KLRD1: variants seen among roughly 807,000 people sequenced by gnomAD.
KLRD1 encodes natural killer cells antigen CD94.
In KLRD1, 21 loss-of-function variants were observed where a neutral mutation model predicts 22.6. The ratio of observed to expected loss-of-function variants is 0.93; its 90% CI spans 0.66 to 1.34. KLRD1 has a LOEUF of 1.34. KLRD1 is among the 40% of genes most tolerant of loss of function. The pLI, the probability that KLRD1 is intolerant of heterozygous loss-of-function variation, is 0.00. For missense variants in KLRD1, 183 were observed against 208.6 expected, an observed-to-expected ratio of 0.88 and a Z score of 0.76; for synonymous variants, 59 against 71.1, an observed-to-expected ratio of 0.83 and a Z score of 0.85.
At chr12:10,272,871 CTT>C (rs1473256600) in intron 1 of KLRD1, among the ~76,000 whole-genome samples, 3 of 152,094 alleles carry the variant, frequency 2.0e-5, no homozygotes, top group Non-Finnish European at 4.4e-5. Flanking sequence ...AAGATTTCCT[CTT>C]TGCCTTAATT....
intron 1 of KLRD1, among the ~76,000 whole-genome samples, chr12:10,277,388 G>T (rs553412504): frequency 7.9e-5 from 12 of 151,932 alleles, no homozygotes; most frequent in Non-Finnish European, 1.8e-4. Flanking sequence ...TTTATTATAG[G>T]GGAGAACTTA....
At chr12:10,260,541 G>A (rs1367781329) in intron 1 of KLRD1, among the ~76,000 whole-genome samples, 2 of 152,058 alleles carry the variant, frequency 1.3e-5, no homozygotes, top group Admixed American at 6.6e-5. Context: ...AGTGGCTCAC[G>A]CTTGTAATCC....
chr12:10,248,541 C>CCTTCCTTCCTTT (rs1949314698), intron 1 of KLRD1, among the ~76,000 whole-genome samples: 2 of 102,884 alleles, frequency 1.9e-5, no homozygotes, highest in Non-Finnish European at 3.5e-5. Flanking sequence ...TTCCTTCCTT[C>CCTTCCTTCCTTT]CTTCCTTCCT....
At chr12:10,275,566 G>A (rs902603642) in intron 1 of KLRD1, among the ~76,000 whole-genome samples, 11 of 152,172 alleles carry the variant, frequency 7.2e-5, no homozygotes, top group Admixed American at 7.2e-4. Flanking sequence ...TTTAGTTTAA[G>A]TTTACCTTAT....
rs1252790346 is a variant in KLRD1, at chr12:10,329,271, G to C, written c.*14478G>C. 6.6e-6 allele frequency: 1 copy of C among 151,954 alleles called. No individual in the cohort carries two copies. Among genetic ancestry groups the C allele is most frequent in the Non-Finnish European group, 1.5e-5 (1 of 67,988 alleles). 9.4% of individuals were successfully genotyped at this position (151,954 alleles called of 1,614,324 possible). A position where few individuals can be genotyped will look rare whatever the true frequency, so the allele number is the denominator to read the frequency against. ...CCTTTTGATTTATTCTTTGCAGATT[G>C]GTTGTTCAAAAATGTATTGTTAAAT... is the stretch of plus-strand genomic sequence containing the variant. On this transcript the variant is annotated 3_prime_UTR_variant, in exon 6 of 6. Coordinates refer to ENST00000336164, the MANE Select transcript of KLRD1 (RefSeq NM_002262.5).
Position 10,309,492 on chromosome 12 carries a change from T to C in KLRD1, c.100+12T>C. ...TTTGTTGAAAAATTGTAAGTTTTTC[T>C]AAGCAAGTCTCCATAAAAATCAAAA... is the stretch of plus-strand genomic sequence containing the variant. On this transcript the variant is annotated intron_variant, in intron 2 of 5. Coordinates refer to ENST00000336164, the MANE Select transcript of KLRD1 (RefSeq NM_002262.5). 7.2e-7 allele frequency: 1 copy of C among 1,385,200 alleles called. No homozygotes were observed. Among genetic ancestry groups the C allele is most frequent in the Non-Finnish European group, 1.0e-6 (1 of 971,550 alleles). The allele number at this position is 1,385,200 out of a possible 1,614,324, so 85.8% of individuals were successfully genotyped here.
At position 10,239,473 on chromosome 12, in the gene KLRD1, C is replaced by CTTTCCTTATT. The variant is rs1565443213; in HGVS notation, c.-101+13240_-101+13241insTTTCCTTATT. ...TCCTTCCTTCCTTCCTTCCTTCCTT[C>CTTTCCTTATT]CTTCCTTCCTTCTTCCTTCCTTCCT... On this transcript the variant is annotated intron_variant, in intron 1 of 5. Coordinates refer to the KLRD1 transcript ENST00000544747. Among the ~76,000 whole-genome samples, 155 of 115,550 alleles carry CTTTCCTTATT rather than the reference C, an allele frequency of 1.3e-3. 9 individuals carry two copies. Among genetic ancestry groups the CTTTCCTTATT allele is most frequent in the East Asian group, 7.8e-3 (21 of 2,688 alleles). The allele number at this position is 115,550 out of a possible 152,430, so 75.8% of individuals were successfully genotyped here. A position where few individuals can be genotyped will look rare whatever the true frequency, so the allele number is the denominator to read the frequency against.
chr12:10,293,048 T>C (rs1949784107), intron 1 of KLRD1, among the ~76,000 whole-genome samples: 1 of 147,708 alleles, frequency 6.8e-6, no homozygotes. Flanking sequence ...TGCAGCTTTC[T>C]CACCTCTCAC....
At chr12:10,309,600 A>G (rs1208138789) in intron 2 of KLRD1, 26 bp from the exon 3 acceptor site, 46 of 1,569,450 alleles carry the variant, frequency 2.9e-5, no homozygotes, top group Non-Finnish European at 4.0e-5. Flanking sequence ...TACCTAATTA[A>G]ACAAATTTCT....
At chr12:10,246,452 T>C (rs1322745354) in intron 1 of KLRD1, among the ~76,000 whole-genome samples, 3 of 152,284 alleles carry the variant, frequency 2.0e-5, no homozygotes. Context: ...TCTTATACAG[T>C]TCAGAATTAT....
chr12:10,266,812 T>C (rs1406535863), intron 1 of KLRD1, among the ~76,000 whole-genome samples: 1 of 151,732 alleles, frequency 6.6e-6, no homozygotes, highest in Non-Finnish European at 1.5e-5. Flanking sequence ...TTCTTTTATT[T>C]TGATACATTT....
chr12:10,312,431 T>G (rs979109330), intron 4 of KLRD1, among the ~76,000 whole-genome samples: 1 of 150,392 alleles, frequency 6.6e-6, no homozygotes, highest in African/African-American at 2.5e-5. Flanking sequence ...CAGGCTGGAG[T>G]GCAGTGGCGT....
At chr12:10,290,761 G>T (rs996275991) in intron 1 of KLRD1, among the ~76,000 whole-genome samples, 2 of 152,038 alleles carry the variant, frequency 1.3e-5, no homozygotes, top group African/African-American at 4.8e-5. Context: ...GTATTTTCTG[G>T]AATATAAAAT....
chr12:10,323,591 A>C lies in KLRD1; in HGVS notation c.*8798A>C, dbSNP rs564670911. On this transcript the variant is annotated 3_prime_UTR_variant, in exon 6 of 6. Transcript: ENST00000336164. ...ATTTGATGTATTTCCATATCTATGCATCTGTGAAACCATCACCTCAGCAAT... is the reference window on the plus strand; with the variant it reads ...ATTTGATGTATTTCCATATCTATGCCTCTGTGAAACCATCACCTCAGCAAT... The C allele has an allele frequency of 1.3e-5, 2 of 152,198 alleles. No homozygotes were observed. The highest frequency in any genetic ancestry group is 1.3e-4 in the Admixed American group (2 of 15,292). The allele number at this position is 152,198 out of a possible 1,614,324, so 9.4% of individuals were successfully genotyped here. A position where few individuals can be genotyped will look rare whatever the true frequency, so the allele number is the denominator to read the frequency against.
rs60673819 is a variant in KLRD1, at chr12:10,324,843, T to TATATATATATA, written c.*10050_*10051insATATATATATA. The TATATATATATA allele has an allele frequency of 1.1e-4, 16 of 141,852 alleles. No homozygotes were observed. The highest frequency in any genetic ancestry group is 4.5e-4 in the South Asian group (2 of 4,460). The allele number at this position is 141,852 out of a possible 1,614,324, so 8.8% of individuals were successfully genotyped here. ...GTATATATATATATATATATATATA[T>TATATATATATA]TCATTTACACAGTTGATTCTAAGTG... On this transcript the variant is annotated 3_prime_UTR_variant, in exon 6 of 6. Coordinates refer to ENST00000336164, the MANE Select transcript of KLRD1 (RefSeq NM_002262.5).
At chr12:10,299,001 C>T (rs763512461) in intron 1 of KLRD1, among the ~76,000 whole-genome samples, 7 of 152,170 alleles carry the variant, frequency 4.6e-5, no homozygotes, top group Non-Finnish European at 1.0e-4. Context: ...TACCCTGGTC[C>T]TGCCCCAAGG....
intron 1 of KLRD1, among the ~76,000 whole-genome samples, chr12:10,281,705 T>C (rs554662481): frequency 2.3e-3 from 356 of 152,364 alleles, no homozygotes; most frequent in Non-Finnish European, 4.4e-3. Context: ...TAGCTTTGCA[T>C]AAAATTCAAA....
At position 10,329,322 on chromosome 12, in the gene KLRD1, T is replaced by C. The variant is rs890118095; in HGVS notation, c.*14529T>C. ...TATCACATATTTATTAGTTTTCCTT[T>C]TGCAACTGATTTCTAGTTTCATTCC... On this transcript the variant is annotated 3_prime_UTR_variant, in exon 6 of 6. Coordinates refer to ENST00000336164, the MANE Select transcript of KLRD1 (RefSeq NM_002262.5). The C allele has an allele frequency of 2.0e-5, 3 of 152,212 alleles. No individual in the cohort carries two copies. The highest frequency in any genetic ancestry group is 7.2e-5 in the African/African-American group (3 of 41,460). 9.4% of individuals were successfully genotyped at this position (152,212 alleles called of 1,614,324 possible).
At chr12:10,243,642 A>AAAGATATGG (rs1949263829) in intron 1 of KLRD1, among the ~76,000 whole-genome samples, 1 of 145,064 alleles carries the variant, frequency 6.9e-6, no homozygotes, top group Non-Finnish European at 1.5e-5. Context: ...AACCGAAATG[A>AAAGATATGG]AAGATATGGA....
Sources: gnomAD v4.1 joint callset for allele counts (sites outside exome capture counted in the v4.1 genomes callset) on GRCh38, gnomAD v4.1.1 for gene constraint, MANE v1.5 for transcripts, NCBI Gene and HGNC (gene_info 2026-07-23, HGNC 2026-07-21) for gene names.